GRAMD1B: variants seen among roughly 807,000 people sequenced by gnomAD.
GRAMD1B encodes protein Aster-B.
Under a neutral mutation model 99.7 loss-of-function variants are expected in GRAMD1B, and 37 were observed. The observed-to-expected ratio is 0.37, with a 90% CI of 0.29 to 0.49. The LOEUF (loss-of-function observed/expected upper bound fraction) is 0.49, where lower values mean the gene tolerates loss of function less well. Among genes scored for constraint, GRAMD1B ranks in the 20% least tolerant of loss-of-function variants. The pLI, the probability that GRAMD1B is intolerant of heterozygous loss-of-function variation, is 0.98. For synonymous variants in GRAMD1B, 427 were observed against 387.6 expected (o/e 1.10, Z -1.19); for missense variants, 888 against 1,009.2 (o/e 0.88, Z 1.63).
At chr11:123,619,046 C>A in intron 18 of GRAMD1B, 61 bp from the exon 19 acceptor site, 1 of 924,264 alleles carries the variant, frequency 1.1e-6, no homozygotes, top group Non-Finnish European at 1.7e-6. Flanking sequence ...GGTCTGGGAG[C>A]CCAGGACAGT....
Position 123,485,129 on chromosome 11 carries a change from G to A in GRAMD1B, c.452+4236G>A, listed in dbSNP as rs191591120. 4.9e-4 allele frequency among the ~76,000 whole-genome samples: 75 copies of A among 152,278 alleles called. 1 individual carries two copies. The East Asian group carries it at 0.012, about 25-fold the overall frequency. The stretch of plus-strand genomic sequence containing the variant: ...ATTGTCACTGACTGAAAACGGTCAA[G>A]GATGAGGTGGATATTATGGATTTTT... On this transcript the variant is annotated intron_variant, in intron 2 of 19. Coordinates refer to ENST00000635736, the MANE Select transcript of GRAMD1B (RefSeq NM_001387025.1).
intron 1 of GRAMD1B, among the ~76,000 whole-genome samples, chr11:123,442,700 G>T (rs779162105): frequency 6.6e-6 from 1 of 152,128 alleles, no homozygotes; most frequent in Non-Finnish European, 1.5e-5. Flanking sequence ...AACCTGGGAG[G>T]TGGAGGTTGC....
chr11:123,380,943 C>G (rs1233490382), intron 1 of GRAMD1B, among the ~76,000 whole-genome samples: 1 of 152,124 alleles, frequency 6.6e-6, no homozygotes, highest in East Asian at 1.9e-4. Context: ...ACGTACCTTC[C>G]TTGGAGCTAA....
chr11:123,362,827 C>T (rs1417177227), intron 1 of GRAMD1B, among the ~76,000 whole-genome samples: 4 of 152,028 alleles, frequency 2.6e-5, no homozygotes, highest in South Asian at 2.1e-4. Flanking sequence ...TGAGATCCAC[C>T]GAACCTGGAG....
At chr11:123,577,837 G>C (rs1321254159) in intron 3 of GRAMD1B, among the ~76,000 whole-genome samples, 2 of 151,802 alleles carry the variant, frequency 1.3e-5, no homozygotes, top group South Asian at 2.1e-4. Flanking sequence ...GAGGGGAGAC[G>C]CTCTGGGAAT....
chr11:123,542,183 A>AGTG (rs1050668368), intron 2 of GRAMD1B, among the ~76,000 whole-genome samples: 6 of 152,208 alleles, frequency 3.9e-5, no homozygotes, highest in East Asian at 3.8e-4. Flanking sequence ...TAGTGCACCG[A>AGTG]GTGGCACACC....
chr11:123,522,803 C>G (rs7125805), intron 2 of GRAMD1B, among the ~76,000 whole-genome samples: 52,395 of 152,098 alleles, frequency 0.34, 10,636 homozygotes, highest in African/African-American at 0.57. Context: ...TCAAGCCAGC[C>G]AACTCATCAG....
intron 2 of GRAMD1B, among the ~76,000 whole-genome samples, chr11:123,514,467 C>T (rs1318642050): frequency 6.6e-6 from 1 of 152,138 alleles, no homozygotes; most frequent in Non-Finnish European, 1.5e-5. Context: ...GGATTAAATG[C>T]AATGTCTTAG....
chr11:123,523,044 C>T (rs1942347428), intron 2 of GRAMD1B, among the ~76,000 whole-genome samples: 1 of 152,080 alleles, frequency 6.6e-6, no homozygotes, highest in Non-Finnish European at 1.5e-5. Flanking sequence ...TAAGGCACTA[C>T]AGTTAGGCTG....
chr11:123,382,899 C>T lies in GRAMD1B; in HGVS notation c.-176+24100C>T, dbSNP rs142565918. On this transcript the variant is annotated intron_variant, in intron 1 of 20. Transcript: ENST00000638157. ...AAGGGAGAAGCTGAGGGACAAGCCC[C>T]TGTCCCAATTCTCCTCTTGCCCTCC... Among the ~76,000 whole-genome samples the T allele has an allele frequency of 8.7e-4, 132 of 152,314 alleles. 6 individuals carry two copies. The highest frequency in any genetic ancestry group is 8.1e-3 in the South Asian group (39 of 4,828).
chr11:123,410,674 TGA>T (rs1157757820), intron 1 of GRAMD1B, among the ~76,000 whole-genome samples: 6 of 152,188 alleles, frequency 3.9e-5, no homozygotes, highest in Admixed American at 2.6e-4. Context: ...ACATGCTTCC[TGA>T]GGGTTTGAGG....
At chr11:123,508,988 CCTT>C (rs1389995946) in intron 2 of GRAMD1B, among the ~76,000 whole-genome samples, 1 of 152,050 alleles carries the variant, frequency 6.6e-6, no homozygotes, top group Admixed American at 6.6e-5. Context: ...CCTGGCCGTG[CCTT>C]CTTTTTTAAA....
At chr11:123,553,183 G>C (rs1945800956) in intron 2 of GRAMD1B, among the ~76,000 whole-genome samples, 1 of 152,224 alleles carries the variant, frequency 6.6e-6, no homozygotes. Flanking sequence ...TAGATCATTT[G>C]GTGAATTTGT....
chr11:123,462,631 A>G (rs1950479110), intron 1 of GRAMD1B, among the ~76,000 whole-genome samples: 1 of 152,228 alleles, frequency 6.6e-6, no homozygotes, highest in Non-Finnish European at 1.5e-5. Context: ...TAAAGAATTC[A>G]GGGACAAAAA....
intron 10 of GRAMD1B, among the ~76,000 whole-genome samples, chr11:123,605,988 G>A (rs984764673): frequency 6.6e-6 from 1 of 152,180 alleles, no homozygotes; most frequent in Non-Finnish European, 1.5e-5. Context: ...AATAGAGGAG[G>A]TAGAACCTTG....
intron 1 of GRAMD1B, among the ~76,000 whole-genome samples, chr11:123,469,818 T>TCCTTCCTTCCTTCCTTCC: frequency 6.6e-6 from 1 of 150,442 alleles, no homozygotes; most frequent in African/African-American, 2.5e-5. Context: ...CTTCCTCTCT[T>TCCTTCCTTCCTTCCTTCC]TTTCTTCTTC....
chr11:123,393,678 G>A (rs138022587), intron 1 of GRAMD1B, among the ~76,000 whole-genome samples: 367 of 152,264 alleles, frequency 2.4e-3, no homozygotes, highest in Middle Eastern at 6.8e-3. Context: ...GGTGGTTTTT[G>A]TTTGTTTTGT....
chr11:123,580,252 G>A (rs1949202448), intron 3 of GRAMD1B, among the ~76,000 whole-genome samples: 1 of 152,216 alleles, frequency 6.6e-6, no homozygotes. Flanking sequence ...ACCAGTAGGG[G>A]AATTAGGTTC....
At position 123,419,698 on chromosome 11, in the gene GRAMD1B, A is replaced by AGT. The variant is rs3222403; in HGVS notation, c.-176+60947_-176+60948dup. Among the ~76,000 whole-genome samples, 436 of 134,080 alleles carry AGT rather than the reference A, an allele frequency of 3.3e-3. 3 individuals carry two copies. The Middle Eastern group carries it at 0.037, about 11-fold the overall frequency. 88.0% of individuals were successfully genotyped at this position (134,080 alleles called of 152,430 possible). On this transcript the variant is annotated intron_variant, in intron 1 of 20. Coordinates refer to the GRAMD1B transcript ENST00000638157. ...CAAGAAGGGAGTCGGGGAATTTCTA[A>AGT]GTGTGTGTGTGTGTGTGTGTGTGTG... is the stretch of plus-strand genomic sequence containing the variant.
Sources: allele counts gnomAD v4.1 joint callset (sites outside exome capture counted in the v4.1 genomes callset), GRCh38; gene constraint gnomAD v4.1.1; transcripts MANE v1.5; gene names NCBI Gene and HGNC (gene_info 2026-07-23, HGNC 2026-07-21).